The following CLIC5 variants were observed in gnomAD, a reference collection of about 807,000 sequenced individuals.
CLIC5 encodes the protein CLIC family member 5.
In CLIC5, 20 loss-of-function variants were observed where a neutral mutation model predicts 24.7. That is an observed-to-expected ratio of 0.81 (90% CI 0.57 to 1.18). The LOEUF is 1.18. Among genes scored for constraint, CLIC5 ranks in the 50% most tolerant of loss-of-function variants. CLIC5 has a pLI of 0.00. For missense variants in CLIC5, 341 were observed against 326.1 expected, an observed-to-expected ratio of 1.05 and a Z score of -0.35; for synonymous variants, 159 against 135.6, an observed-to-expected ratio of 1.17 and a Z score of -1.20.
At chr6:45,991,805 A>C (rs890286496) in intron 1 of CLIC5, among the ~76,000 whole-genome samples, 2 of 152,148 alleles carry the variant, frequency 1.3e-5, no homozygotes, top group African/African-American at 4.8e-5. Context: ...GAGGTTAATG[A>C]GACAGAATGT....
At chr6:45,890,215 G>A (rs6941594) in intron 6 of CLIC5, among the ~76,000 whole-genome samples, 66,057 of 151,872 alleles carry the variant, frequency 0.43, 14,610 homozygotes, top group East Asian at 0.53. Flanking sequence ...TTCATTTGCT[G>A]TGCAGAAGCT....
chr6:46,081,349 G>A (rs1762916131), upstream of CLIC5, among the ~76,000 whole-genome samples: 1 of 152,148 alleles, frequency 6.6e-6, no homozygotes, highest in Non-Finnish European at 1.5e-5. Context: ...GGACTTTAAT[G>A]TCTAGAAATC....
intron 1 of CLIC5, among the ~76,000 whole-genome samples, chr6:45,977,481 T>C (rs942933126): frequency 1.3e-5 from 2 of 152,152 alleles, no homozygotes; most frequent in Non-Finnish European, 2.9e-5. Flanking sequence ...TGATACAATA[T>C]CCTAAATTAT....
At chr6:46,114,372 C>T in the CLIC5 span, among the ~76,000 whole-genome samples, 102 of 152,296 alleles carry the variant, frequency 6.7e-4, no homozygotes, top group Middle Eastern at 6.8e-3. Context: ...CTGCTCATTA[C>T]CGTCACCCCC....
At chr6:46,054,970 T>C (rs558184939) in intron 1 of CLIC5, among the ~76,000 whole-genome samples, 63 of 152,366 alleles carry the variant, frequency 4.1e-4, no homozygotes, top group African/African-American at 1.3e-3. Context: ...AGGGTCCTTT[T>C]TTGCTATTAC....
At chr6:45,979,340 G>A (rs2127412281) in intron 1 of CLIC5, among the ~76,000 whole-genome samples, 1 of 152,284 alleles carries the variant, frequency 6.6e-6, no homozygotes, top group Middle Eastern at 3.4e-3. Flanking sequence ...GACCCTCTAA[G>A]CATGTCACGT....
At chr6:46,013,674 C>A (rs1766885706) in intron 1 of CLIC5, among the ~76,000 whole-genome samples, 1 of 152,212 alleles carries the variant, frequency 6.6e-6, no homozygotes, top group South Asian at 2.1e-4. Context: ...GACTCTCCAA[C>A]ACTGCCAACA....
the CLIC5 span, among the ~76,000 whole-genome samples, chr6:46,109,475 C>T: frequency 6.0e-5 from 7 of 117,456 alleles, no homozygotes; most frequent in Admixed American, 1.2e-4. Context: ...GTCAAGAGAT[C>T]GAGACCATCC....
chr6:45,914,116 G>T, intron 5 of CLIC5, 112 bp downstream of exon 5: 1 of 827,576 alleles, frequency 1.2e-6, no homozygotes, highest in Non-Finnish European at 1.7e-6. Flanking sequence ...CCTGACTTCA[G>T]GGTCCAGGTT....
chr6:45,943,681 A>G (rs1343631526), intron 3 of CLIC5, among the ~76,000 whole-genome samples: 1 of 152,184 alleles, frequency 6.6e-6, no homozygotes, highest in Non-Finnish European at 1.5e-5. Flanking sequence ...TATCTCATCA[A>G]TTGGTCAGAC....
chr6:45,881,022 T>C (rs1362944070), exon 7 of CLIC5: 9 of 397,770 alleles, frequency 2.3e-5, no homozygotes, highest in African/African-American at 4.1e-5. Flanking sequence ...ATATTTAAAC[T>C]CTTAGGTTTT....
chr6:46,123,659 G>A, the CLIC5 span, among the ~76,000 whole-genome samples: 1 of 152,174 alleles, frequency 6.6e-6, no homozygotes, highest in African/African-American at 2.4e-5. Context: ...GTTTGCAGAT[G>A]ACATGATTGT....
At chr6:45,886,499 T>G (rs1389929078) in intron 6 of CLIC5, among the ~76,000 whole-genome samples, 1 of 152,198 alleles carries the variant, frequency 6.6e-6, no homozygotes, top group African/African-American at 2.4e-5. Context: ...GTAAATTTCC[T>G]TTTATCACCA....
chr6:45,925,294 C>A (rs6939554), intron 4 of CLIC5, among the ~76,000 whole-genome samples: 2 of 150,844 alleles, frequency 1.3e-5, no homozygotes, highest in Non-Finnish European at 2.9e-5. Context: ...GTATTGCCAA[C>A]ATGCCAACAT....
rs1277419185 is a variant in CLIC5, at chr6:45,920,049, T to C, written c.407-5640A>G. ...TCACTCCTTGGGTATTCACGTGGCC[T>C]GACAGGTGCTGCAAAATGTTCTCAT... On this transcript the variant is annotated intron_variant, in intron 4 of 5. Coordinates refer to ENST00000339561, the MANE Select transcript of CLIC5 (RefSeq NM_016929.5). The C allele has an allele frequency of 1.0e-5, 5 of 478,610 alleles. 1 individual carries two copies. The East Asian group carries it at 7.9e-4, about 75-fold the overall frequency. 29.6% of individuals were successfully genotyped at this position (478,610 alleles called of 1,614,324 possible). A position where few individuals can be genotyped will look rare whatever the true frequency, so the allele number is the denominator to read the frequency against.
At chr6:45,891,263 A>G (rs1762344809) in intron 6 of CLIC5, among the ~76,000 whole-genome samples, 1 of 152,162 alleles carries the variant, frequency 6.6e-6, no homozygotes, top group South Asian at 2.1e-4. Context: ...AACATACAAA[A>G]CACATTCTGC....
chr6:45,992,297 C>A (rs1044056802), intron 1 of CLIC5, among the ~76,000 whole-genome samples: 12 of 152,180 alleles, frequency 7.9e-5, no homozygotes, highest in African/African-American at 2.9e-4. Flanking sequence ...AATTGTTGAC[C>A]CAGCTCATTT....
the CLIC5 span, among the ~76,000 whole-genome samples, chr6:46,099,125 A>G: frequency 1.3e-5 from 2 of 152,226 alleles, no homozygotes; most frequent in Admixed American, 6.5e-5. Flanking sequence ...GGCCAGTAAT[A>G]ATCAACACAC....
chr6:45,921,087 A>T (rs1763240684), intron 4 of CLIC5, among the ~76,000 whole-genome samples: 1 of 152,224 alleles, frequency 6.6e-6, no homozygotes, highest in Non-Finnish European at 1.5e-5. Context: ...GAATGACCAC[A>T]CAAAGGCAAA....
Sources: allele counts gnomAD v4.1 joint callset (sites outside exome capture counted in the v4.1 genomes callset), GRCh38; gene constraint gnomAD v4.1.1; transcripts MANE v1.5; gene names NCBI Gene and HGNC (gene_info 2026-07-23, HGNC 2026-07-21).